Variants in DMD observed in about 807,000 individuals in gnomAD.
DMD encodes the protein dystrophin.
In DMD, 63 loss-of-function variants were observed where a neutral mutation model predicts 330.1. The observed-to-expected ratio is 0.19, with a 90% CI of 0.16 to 0.24. DMD has a LOEUF of 0.24. Among genes scored for constraint, DMD ranks in the 10% least tolerant of loss-of-function variants. DMD has a pLI of 1.00. For synonymous variants in DMD, 1,223 were observed against 959.8 expected (o/e 1.27, Z -5.07); for missense variants, 3,344 against 2,684.1 (o/e 1.25, Z -5.43).
intron 18 of DMD, among the ~76,000 whole-genome samples, chrX:32,503,776 A>T (rs918318316): frequency 9.0e-6 from 1 of 110,868 alleles, no homozygotes; most frequent in Non-Finnish European, 1.9e-5. Flanking sequence ...GGCTGGTCTC[A>T]AACTCCTGAC....
At chrX:31,165,863 T>C (rs936803621) in intron 74 of DMD, among the ~76,000 whole-genome samples, 1 of 111,914 alleles carries the variant, frequency 8.9e-6, no homozygotes, top group Admixed American at 9.5e-5. Flanking sequence ...CAGTCAGATT[T>C]AGCTTTTACT....
At chrX:32,604,157 G>A (rs769528883) in intron 12 of DMD, among the ~76,000 whole-genome samples, 4 of 110,313 alleles carry the variant, frequency 3.6e-5, no homozygotes, top group Non-Finnish European at 7.6e-5. Context: ...TGACAATAAC[G>A]TGAGCTTTAT....
At chrX:31,735,675 T>C (rs906259316) in intron 51 of DMD, among the ~76,000 whole-genome samples, 4 of 111,946 alleles carry the variant, frequency 3.6e-5, no homozygotes, top group Admixed American at 1.9e-4. Flanking sequence ...ATGTGTTACA[T>C]GGTAATGGTG....
chrX:32,977,616 C>A (rs1267447607), intron 2 of DMD, among the ~76,000 whole-genome samples: 1 of 111,443 alleles, frequency 9.0e-6, no homozygotes, highest in Non-Finnish European at 1.9e-5. Flanking sequence ...TTCCTTGTAG[C>A]AGCTTGCCTA....
intron 17 of DMD, among the ~76,000 whole-genome samples, chrX:32,519,309 A>G (rs935191500): frequency 1.8e-5 from 2 of 108,664 alleles, no homozygotes; most frequent in Non-Finnish European, 3.8e-5. Flanking sequence ...ACAGAAGACA[A>G]TGTTCATTTC....
intron 1 of DMD, among the ~76,000 whole-genome samples, chrX:33,279,861 T>C (rs774333560): frequency 2.0e-5 from 2 of 99,590 alleles, no homozygotes; most frequent in South Asian, 8.9e-4. Flanking sequence ...ATATCTTCAT[T>C]GGTGAAACAT....
intron 55 of DMD, among the ~76,000 whole-genome samples, chrX:31,583,636 A>G (rs1320392078): frequency 9.1e-6 from 1 of 110,183 alleles, no homozygotes; most frequent in Non-Finnish European, 1.9e-5. Context: ...TTAAAGTTCT[A>G]TGATTAATTT....
intron 37 of DMD, among the ~76,000 whole-genome samples, chrX:32,351,027 G>A (rs1445616932): frequency 9.0e-6 from 1 of 111,031 alleles, no homozygotes; most frequent in African/African-American, 3.3e-5. Flanking sequence ...TTGAACCTCA[G>A]TTTCTTTATA....
chrX:31,773,634 T>C (rs1000793415), intron 51 of DMD, among the ~76,000 whole-genome samples: 1 of 110,747 alleles, frequency 9.0e-6, no homozygotes, highest in African/African-American at 3.3e-5. Context: ...AATAGCTCAG[T>C]TGAGTGACTT....
intron 1 of DMD, among the ~76,000 whole-genome samples, chrX:33,242,541 G>A (rs756941739): frequency 1.8e-5 from 2 of 112,078 alleles, no homozygotes; most frequent in East Asian, 2.8e-4. Context: ...TGCGCTTTGT[G>A]TTGCTGTAAA....
chrX:32,690,417 C>T (rs759598904), intron 9 of DMD, among the ~76,000 whole-genome samples: 1 of 111,312 alleles, frequency 9.0e-6, no homozygotes, highest in Non-Finnish European at 1.9e-5. Context: ...ATTGTCATTA[C>T]ATTCAAAGAA....
At chrX:32,389,371 T>C in intron 32 of DMD, 130 bp downstream of exon 32, 1 of 760,604 alleles carries the variant, frequency 1.3e-6, no homozygotes, top group South Asian at 2.3e-5. Flanking sequence ...CAATTTTTGT[T>C]CTCAATCTTA....
chrX:32,438,730 C>G (rs1188071157), intron 28 of DMD, among the ~76,000 whole-genome samples: 1 of 111,741 alleles, frequency 8.9e-6, no homozygotes, highest in African/African-American at 3.3e-5. Context: ...CCACGTGACA[C>G]AATTCTGAAA....
At chrX:32,022,498 T>C (rs377692153) in intron 44 of DMD, among the ~76,000 whole-genome samples, 19 of 112,574 alleles carry the variant, frequency 1.7e-4, no homozygotes, top group African/African-American at 6.1e-4. Flanking sequence ...CTCTGTTTTC[T>C]AAAATCTGCT....
chrX:32,736,717 G>T (rs1301516239), intron 7 of DMD, among the ~76,000 whole-genome samples: 1 of 95,941 alleles, frequency 1.0e-5, no homozygotes, highest in East Asian at 3.6e-4. Flanking sequence ...ATTGAACAAT[G>T]AGAACACATG....
intron 33 of DMD, among the ~76,000 whole-genome samples, chrX:32,382,798 A>C (rs376805079): frequency 2.7e-5 from 3 of 110,690 alleles, no homozygotes; most frequent in African/African-American, 9.8e-5. Context: ...CTATCTTCCC[A>C]GAGCTAATGC....
At chrX:31,856,258 A>G (rs375605624) in intron 48 of DMD, among the ~76,000 whole-genome samples, 9 of 111,932 alleles carry the variant, frequency 8.0e-5, no homozygotes, top group African/African-American at 2.9e-4. Context: ...GTGGAAAAGC[A>G]ATTTGCAATA....
chrX:32,648,000 C>A (rs1402492243), intron 9 of DMD, among the ~76,000 whole-genome samples: 2 of 112,069 alleles, frequency 1.8e-5, no homozygotes, highest in African/African-American at 6.5e-5. Context: ...AAATAATCTT[C>A]TCCAAACGAA....
intron 44 of DMD, among the ~76,000 whole-genome samples, chrX:32,101,223 A>G (rs1225637820): frequency 8.9e-6 from 1 of 111,931 alleles, no homozygotes; most frequent in South Asian, 3.8e-4. Context: ...GAGTTTTAAT[A>G]TGGAGAAGCA....
Sources: gnomAD v4.1 joint callset for allele counts (sites outside exome capture counted in the v4.1 genomes callset) on GRCh38, gnomAD v4.1.1 for gene constraint, MANE v1.5 for transcripts, NCBI Gene and HGNC (gene_info 2026-07-23, HGNC 2026-07-21) for gene names.